Variants in KLF17 observed in about 807,000 individuals in gnomAD.
KLF17 encodes the protein Krueppel-like factor 17.
In KLF17, 31 loss-of-function variants were observed where a neutral mutation model predicts 34.2. The observed-to-expected ratio is 0.91, with a 90% CI of 0.68 to 1.22. The LOEUF (loss-of-function observed/expected upper bound fraction) is 1.22. Ranked by LOEUF, KLF17 falls within the 50% of genes most tolerant of loss-of-function variation. The pLI is 0.00. For missense variants in KLF17, 478 were observed against 505.2 expected (o/e 0.95, Z 0.52); for synonymous variants, 179 against 186.7 (o/e 0.96, Z 0.34).
At chr1:44,054,565 C>T in the KLF17 span, among the ~76,000 whole-genome samples, 3 of 149,320 alleles carry the variant, frequency 2.0e-5, no homozygotes, top group African/African-American at 7.4e-5. Flanking sequence ...ACTGCAAGCT[C>T]CACCTCCCGG....
the KLF17 span, chr1:44,048,010 G>GTGTGTGTGTA: frequency 7.1e-6 from 1 of 139,970 alleles, no homozygotes; most frequent in African/African-American, 3.2e-5. Flanking sequence ...GTATGTGTGT[G>GTGTGTGTGTA]TGTGTGTGTG....
At chr1:44,059,962 T>C in the KLF17 span, among the ~76,000 whole-genome samples, 2 of 152,096 alleles carry the variant, frequency 1.3e-5, no homozygotes, top group African/African-American at 4.8e-5. Context: ...CAAGACTGTT[T>C]GACCACTCCC....
At chr1:44,060,519 C>T in the KLF17 span, among the ~76,000 whole-genome samples, 1 of 152,116 alleles carries the variant, frequency 6.6e-6, no homozygotes, top group Non-Finnish European at 1.5e-5. Flanking sequence ...GCCACCCTTG[C>T]CCCTCCAGGG....
At chr1:44,045,690 C>T in the KLF17 span, among the ~76,000 whole-genome samples, 1 of 152,168 alleles carries the variant, frequency 6.6e-6, no homozygotes, top group Non-Finnish European at 1.5e-5. Flanking sequence ...GTCACAAAAA[C>T]TTTGTTTTAT....
At chr1:44,084,108 A>T in the KLF17 span, among the ~76,000 whole-genome samples, 2 of 152,352 alleles carry the variant, frequency 1.3e-5, no homozygotes, top group East Asian at 3.9e-4. Context: ...GTGGATGGTC[A>T]CTGGAACTGT....
chr1:44,047,026 CAAAAAAAAAAA>C, the KLF17 span, among the ~76,000 whole-genome samples: 1 of 83,524 alleles, frequency 1.2e-5, no homozygotes, highest in Non-Finnish European at 2.3e-5. Flanking sequence ...GACTCAGTCT[CAAAAAAAAAAA>C]AAAAAAAAAA....
At chr1:44,065,035 T>C in the KLF17 span, among the ~76,000 whole-genome samples, 1 of 152,186 alleles carries the variant, frequency 6.6e-6, no homozygotes, top group African/African-American at 2.4e-5. Context: ...ACGCCTGTAG[T>C]CCCAGCACTT....
At chr1:44,087,727 TATATATATATATATA>T in the KLF17 span, among the ~76,000 whole-genome samples, 69 of 55,822 alleles carry the variant, frequency 1.2e-3, no homozygotes, top group East Asian at 6.1e-3. Flanking sequence ...ATATATTTTA[TATATATATATATATA>T]TATATATATA....
upstream of KLF17, chr1:44,118,772 C>A (rs1419528657): frequency 1.5e-6 from 1 of 671,066 alleles, no homozygotes; most frequent in Non-Finnish European, 2.4e-6. Context: ...GGGGCCTGAC[C>A]CCGCCCCTTG....
the KLF17 span, among the ~76,000 whole-genome samples, chr1:44,111,289 C>A: frequency 4.1e-4 from 62 of 152,214 alleles, no homozygotes; most frequent in African/African-American, 1.4e-3. Context: ...AGCCACCATG[C>A]CCGGCCTGTG....
At chr1:44,091,706 G>A in the KLF17 span, among the ~76,000 whole-genome samples, 1 of 150,678 alleles carries the variant, frequency 6.6e-6, no homozygotes, top group African/African-American at 2.4e-5. Flanking sequence ...GAGAATGAAG[G>A]TCAGAAAGAC....
At position 44,133,725 on chromosome 1, in the gene KLF17, ACCCCTACCCT is replaced by A. The variant is rs2088138233; in HGVS notation, c.*489_*498del. ...TGGCTGTGCCTGCCCCTGCCCTCTC[ACCCCTACCCT>A]GACCTTGTCCTACTTCACTGCCTTT... On this transcript the variant is annotated 3_prime_UTR_variant, in exon 4 of 4. Transcript: ENST00000372299. 1 of 151,936 alleles carries A rather than the reference ACCCCTACCCT, an allele frequency of 6.6e-6. No individual in the cohort carries two copies. Among genetic ancestry groups the A allele is most frequent in the Non-Finnish European group, 1.5e-5 (1 of 68,006 alleles). The allele number at this position is 151,936 out of a possible 1,614,324, so 9.4% of individuals were successfully genotyped here.
the KLF17 span, among the ~76,000 whole-genome samples, chr1:44,079,676 T>C: frequency 2.0e-5 from 3 of 152,162 alleles, no homozygotes; most frequent in Non-Finnish European, 2.9e-5. Flanking sequence ...CGGAACCTGA[T>C]TGACAAATCA....
At chr1:44,118,218 T>C (rs1180776000), upstream of KLF17, among the ~76,000 whole-genome samples, 2 of 152,234 alleles carry the variant, frequency 1.3e-5, no homozygotes, top group African/African-American at 2.4e-5. Flanking sequence ...TCTTCCCGTA[T>C]AAGATGGAAA....
upstream of KLF17, chr1:44,114,181 C>G (rs186534157): frequency 6.6e-6 from 1 of 152,232 alleles, no homozygotes; most frequent in Admixed American, 6.5e-5. Flanking sequence ...TTGAGGCATT[C>G]GATAAAGATG....
At chr1:44,127,553 CCTTG>C (rs1316946118) in intron 1 of KLF17, among the ~76,000 whole-genome samples, 1 of 151,452 alleles carries the variant, frequency 6.6e-6, no homozygotes, top group Non-Finnish European at 1.5e-5. Context: ...TTCCTTCCTT[CCTTG>C]AACTCCTGAC....
the KLF17 span, among the ~76,000 whole-genome samples, chr1:44,097,409 A>G: frequency 1.8e-4 from 27 of 152,100 alleles, no homozygotes; most frequent in Non-Finnish European, 2.9e-4. Flanking sequence ...AAGAAAGTCA[A>G]TGGTAGCTTG....
At chr1:44,105,924 G>A in the KLF17 span, among the ~76,000 whole-genome samples, 1 of 152,136 alleles carries the variant, frequency 6.6e-6, no homozygotes, top group Admixed American at 6.6e-5. Context: ...AGCACTTTTG[G>A]AGGCTGGGGT....
In KLF17 at chr1:44,127,824, G is replaced by A. The variant is rs1161032849; in HGVS notation, c.82-1529G>A. On this transcript the variant is annotated intron_variant, in intron 1 of 3. Transcript: ENST00000372299. ...TATCTTTTCTTTCTTGTGTTTGATT[G>A]TTGTTACGTTTTCCCTTGATTTGTA... 9.9e-5 allele frequency among the ~76,000 whole-genome samples: 7 copies of A among 70,944 alleles called. No homozygotes were observed. The East Asian group carries it at 2.6e-3, about 27-fold the overall frequency. The allele number at this position is 70,944 out of a possible 152,430, so 46.5% of individuals were successfully genotyped here. A position where few individuals can be genotyped will look rare whatever the true frequency, so the allele number is the denominator to read the frequency against.
Sources: gnomAD v4.1 joint callset for allele counts (sites outside exome capture counted in the v4.1 genomes callset) on GRCh38, gnomAD v4.1.1 for gene constraint, MANE v1.5 for transcripts, NCBI Gene and HGNC (gene_info 2026-07-23, HGNC 2026-07-21) for gene names.